Variants in CTPS2 observed in about 807,000 individuals in gnomAD.
The protein encoded by CTPS2 is CTP synthase 2, also known as CTP synthase II.
A neutral mutation model predicts 46.8 loss-of-function variants in CTPS2; 19 were observed. That is an observed-to-expected ratio of 0.41 (90% confidence interval 0.28 to 0.60). The LOEUF (loss-of-function observed/expected upper bound fraction) is 0.60. CTPS2 is among the 20% of genes least tolerant of loss of function. CTPS2 has a pLI of 0.35. For missense variants in CTPS2, 286 were observed against 447.6 expected (o/e 0.64, Z 3.26); for synonymous variants, 151 against 165.2 (o/e 0.91, Z 0.66).
At chrX:16,707,954 C>T (rs556266810) in intron 1 of CTPS2, among the ~76,000 whole-genome samples, 150 of 110,648 alleles carry the variant, frequency 1.4e-3, no homozygotes, top group African/African-American at 4.7e-3. Flanking sequence ...TGCATTCCAG[C>T]CTGGACAATA....
chrX:16,690,906 C>T (rs748573880), intron 7 of CTPS2, among the ~76,000 whole-genome samples: 14 of 111,899 alleles, frequency 1.3e-4, no homozygotes, highest in Admixed American at 2.9e-4. Flanking sequence ...TAAGCTGCCA[C>T]AGGTAGAGAG....
At chrX:16,700,755 A>G (rs1320504070) in intron 2 of CTPS2, among the ~76,000 whole-genome samples, 1 of 111,210 alleles carries the variant, frequency 9.0e-6, no homozygotes, top group Non-Finnish European at 1.9e-5. Flanking sequence ...TTCTCATTCC[A>G]GGACCCAGAC....
At chrX:16,596,308 A>T (rs988072998) in intron 17 of CTPS2, among the ~76,000 whole-genome samples, 7 of 109,175 alleles carry the variant, frequency 6.4e-5, no homozygotes, top group Non-Finnish European at 9.5e-5. Flanking sequence ...GTCGTCTAGC[A>T]TTAGGTATAT....
intron 4 of CTPS2, among the ~76,000 whole-genome samples, chrX:16,694,332 C>T (rs1223483946): frequency 2.7e-5 from 3 of 110,926 alleles, no homozygotes; most frequent in East Asian, 5.7e-4. Context: ...CCCTCCTACC[C>T]TCCTTCTTCA....
chrX:16,609,711 A>G, intron 16 of CTPS2, 26 bp from the exon 17 acceptor site: 1 of 1,180,027 alleles, frequency 8.5e-7, no homozygotes, highest in Non-Finnish European at 1.1e-6. Flanking sequence ...TCACGATGCG[A>G]TTAAAGCAGA....
Position 16,698,313 on chromosome X carries a change from C to A in CTPS2, c.361G>T (p.Val121Phe). 1 of 1,199,326 alleles carries A rather than the reference C, an allele frequency of 8.3e-7. No individual in the cohort carries two copies. The highest frequency in any genetic ancestry group is 1.1e-6 in the Non-Finnish European group (1 of 884,447). Residue 121 changes from valine (V) to phenylalanine (F), a missense_variant, in exon 4 of 19, where the codon GTC becomes TTC. By Grantham distance (50) the Val-to-Phe change is conservative (BLOSUM62 -1). Coordinates refer to ENST00000359276, the MANE Select transcript of CTPS2 (RefSeq NM_175859.3). ...VQVVPHITDAVQEWVMNQAKV... is the reference protein window; with the variant it reads ...VQVVPHITDAFQEWVMNQAKV... ...GCTTGATTCATAACCCACTCCTGGA[C>A]AGCATCAGTAATGTGAGGGACAACT...
chrX:16,689,304 A>C (rs1238355371), intron 8 of CTPS2, 146 bp downstream of exon 8: 2 of 503,772 alleles, frequency 4.0e-6, no homozygotes, highest in Admixed American at 6.8e-5. Context: ...GCACCGCAAC[A>C]GTATGCTCCA....
intron 9 of CTPS2, among the ~76,000 whole-genome samples, chrX:16,680,509 C>T (rs1922646225): frequency 9.9e-6 from 1 of 101,481 alleles, no homozygotes; most frequent in Admixed American, 1.1e-4. Flanking sequence ...GAGCCAAGAT[C>T]GCACCACTGC....
At chrX:16,687,905 T>C (rs769240581) in intron 8 of CTPS2, among the ~76,000 whole-genome samples, 4 of 111,054 alleles carry the variant, frequency 3.6e-5, no homozygotes, top group Non-Finnish European at 5.7e-5. Context: ...CTCTCATAAT[T>C]GCCACTAGGT....
intron 14 of CTPS2, among the ~76,000 whole-genome samples, chrX:16,633,084 GTTTT>G (rs11287714): frequency 2.6e-5 from 2 of 77,155 alleles, no homozygotes; most frequent in African/African-American, 5.4e-5. Context: ...CTTTTCTTTT[GTTTT>G]TTTTTTTTTT....
At position 16,638,583 on chromosome X, in the gene CTPS2, T is replaced by A. The variant is rs112611627; in HGVS notation, c.1393+564A>T. On this transcript the variant is annotated intron_variant, in intron 14 of 18. Coordinates refer to ENST00000359276, the MANE Select transcript of CTPS2 (RefSeq NM_175859.3). ...ATAATATGCTAATTTATGAAAAAGT[T>A]CCACAGAAATTAGAATTAACCTTAT... The A allele has an allele frequency of 9.6e-3, 1,466 of 151,965 alleles. 18 individuals carry two copies. Among genetic ancestry groups the A allele is most frequent in the African/African-American group, 0.043 (1,370 of 31,681 alleles). The allele number at this position is 151,965 out of a possible 1,213,427, so 12.5% of individuals were successfully genotyped here.
chrX:16,677,290 C>T (rs1364439928), intron 10 of CTPS2, among the ~76,000 whole-genome samples: 1 of 111,487 alleles, frequency 9.0e-6, no homozygotes, highest in Non-Finnish European at 1.9e-5. Flanking sequence ...AATAAGCTTA[C>T]TCAATGTTTT....
rs1602286477 is a variant in CTPS2 at position 16,699,001 on chromosome X, T to C, written c.259A>G (p.Asn87Asp). Residue 87 changes from asparagine to aspartate, a missense_variant, in exon 3 of 19, where the codon AAT (asparagine) becomes GAT (aspartate). Asn to Asp is a conservative substitution (Grantham distance 23, BLOSUM62 1). Transcript: ENST00000359276. The stretch of plus-strand genomic sequence containing the variant: ...TGATATATCTTCCCCGTGGTGATAT[T>C]GTTGTCTTTATAAAGATTAATATCC... ...FLDINLYKDNNITTGKIYQHV... is the reference protein window; with the variant it reads ...FLDINLYKDNDITTGKIYQHV... 8.4e-7 allele frequency: 1 copy of C among 1,196,262 alleles called. No homozygotes were observed. The highest frequency in any genetic ancestry group is 3.0e-5 in the East Asian group (1 of 33,473).
chrX:16,712,797 C>A (rs1305528206), upstream of CTPS2: 2 of 112,393 alleles, frequency 1.8e-5, no homozygotes, highest in African/African-American at 6.5e-5. Context: ...AAGCCGAGAC[C>A]CTCGCTCGGG....
intron 17 of CTPS2, among the ~76,000 whole-genome samples, chrX:16,602,287 T>C (rs1323283068): frequency 9.0e-6 from 1 of 110,768 alleles, no homozygotes; most frequent in Non-Finnish European, 1.9e-5. Flanking sequence ...GGAAGGTCTG[T>C]AGCTGAAGAC....
At chrX:16,692,131 A>G (rs776063470) in intron 6 of CTPS2, among the ~76,000 whole-genome samples, 3 of 111,753 alleles carry the variant, frequency 2.7e-5, no homozygotes, top group African/African-American at 9.8e-5. Context: ...ATCACCTGCT[A>G]TAAGGACACA....
rs757420580 is a variant in CTPS2 at position 16,671,114 on chromosome X, C to A, written c.1095-440G>T. On this transcript the variant is annotated intron_variant, in intron 10 of 18. Transcript: ENST00000359276. ...ATTAAGTAGTGGCAAATGAAAATTT[C>A]TTGGCTAGAAGACTTCACAGACCTA... 4.5e-5 allele frequency among the ~76,000 whole-genome samples: 5 copies of A among 112,012 alleles called. No homozygotes were observed. In the East Asian group the frequency reaches 1.4e-3, roughly 31 times the overall value.
chrX:16,647,252 A>ATTTTTTTTT (rs1932363451), intron 13 of CTPS2, among the ~76,000 whole-genome samples: 12 of 53,780 alleles, frequency 2.2e-4, no homozygotes, highest in African/African-American at 9.7e-4. Flanking sequence ...CATTGGGCCC[A>ATTTTTTTTT]TTCTTTTTTT....
At chrX:16,695,590 T>C (rs6527713) in intron 4 of CTPS2, among the ~76,000 whole-genome samples, 58,606 of 108,934 alleles carry the variant, frequency 0.54, 12,835 homozygotes, top group African/African-American at 0.82. Context: ...CTCGCTCTGT[T>C]GCCCAGGCTG....
Sources: allele counts gnomAD v4.1 joint callset (sites outside exome capture counted in the v4.1 genomes callset), GRCh38; gene constraint gnomAD v4.1.1; transcripts MANE v1.5; gene names NCBI Gene and HGNC (gene_info 2026-07-23, HGNC 2026-07-21).